The following EPG5 variants were observed in gnomAD, a reference collection of about 807,000 sequenced individuals.
The protein encoded by EPG5 is ectopic P-granules 5 autophagy tethering factor, also known as ectopic P granules protein 5 homolog.
A neutral mutation model predicts 302.7 loss-of-function variants in EPG5; 159 were observed. That is an observed-to-expected ratio of 0.53 (90% confidence interval 0.46 to 0.60). The LOEUF is 0.60. Ranked by LOEUF, EPG5 falls within the 20% of genes least tolerant of loss-of-function variation. The pLI, the probability that EPG5 is intolerant of heterozygous loss-of-function variation, is 0.00. For synonymous variants in EPG5, 1,158 were observed against 1,136.8 expected (o/e 1.02, Z -0.37); for missense variants, 2,896 against 3,092.4 (o/e 0.94, Z 1.51).
intron 11 of EPG5, among the ~76,000 whole-genome samples, chr18:45,933,822 T>C (rs1380044519): frequency 6.6e-6 from 1 of 152,190 alleles, no homozygotes; most frequent in Non-Finnish European, 1.5e-5. Context: ...CTTTACTTCC[T>C]GCTGTGAAGG....
At chr18:45,963,142 GGAGAA>G (rs1295375317) in intron 1 of EPG5, among the ~76,000 whole-genome samples, 2 of 152,168 alleles carry the variant, frequency 1.3e-5, no homozygotes, top group African/African-American at 4.8e-5. Flanking sequence ...AAAATCTAAG[GGAGAA>G]GAGAAATGTT....
At chr18:45,899,677 A>G in intron 26 of EPG5, 111 bp from the exon 27 acceptor site, 1 of 1,105,206 alleles carries the variant, frequency 9.0e-7, no homozygotes. Flanking sequence ...AAAGACACAT[A>G]AACCATAGTA....
chr18:45,811,116 G>A, the EPG5 span, among the ~76,000 whole-genome samples: 1 of 152,168 alleles, frequency 6.6e-6, no homozygotes, highest in Admixed American at 6.6e-5. Context: ...AGATAAGGAC[G>A]CCCACTCTCA....
chr18:45,942,722 C>T (rs2050698875), intron 9 of EPG5, among the ~76,000 whole-genome samples: 1 of 152,126 alleles, frequency 6.6e-6, no homozygotes, highest in East Asian at 1.9e-4. Context: ...AGTTGAATAA[C>T]AGCATACGTA....
intron 36 of EPG5, among the ~76,000 whole-genome samples, chr18:45,868,748 G>A (rs2048805674): frequency 6.7e-6 from 1 of 150,370 alleles, no homozygotes; most frequent in Non-Finnish European, 1.5e-5. Flanking sequence ...ATGACTGCAT[G>A]TTTAAATTCT....
chr18:45,838,042 C>CCT, the EPG5 span: 1 of 1,108,236 alleles, frequency 9.0e-7, no homozygotes. Context: ...GGATCTCACA[C>CCT]CTGGGGGTAG....
chr18:45,855,658 G>A lies in EPG5; in HGVS notation c.7472C>T (p.Ala2491Val), dbSNP rs1473764175. ...RFRVVARSMAAFLSVQVPMED... is the reference protein window; with the variant it reads ...RFRVVARSMAVFLSVQVPMED... ...CATAGGAACCTGAACTGAAAGGAAG[G>A]CAGCCATGCTTCGGGCAACCACTCG... The change falls in exon 43 of 44, where the codon GCC (alanine) becomes GTC (valine). Residue 2491 changes from alanine (A) to valine (V), a missense_variant. Coordinates refer to ENST00000282041, the MANE Select transcript of EPG5 (RefSeq NM_020964.3). 2 of 1,614,132 alleles carry A rather than the reference G, an allele frequency of 1.2e-6. No homozygotes were observed. Among genetic ancestry groups the A allele is most frequent in the South Asian group, 1.1e-5 (1 of 91,078 alleles).
Position 45,928,888 on chromosome 18 carries a change from G to T in EPG5, c.2534C>A (p.Thr845Asn). ...ISVLLDRVQE[T>N]IDQVGMVSLY... ...TCTTACCATTCCAACCTGGTCAATG[G>T]TCTCTTGAACTCTATCCAGAAGGAC... The change falls in exon 13 of 44, where the codon ACC (threonine) becomes AAC (asparagine). Residue 845 changes from threonine (T) to asparagine (N), a missense_variant. Transcript: ENST00000282041. 6.2e-7 allele frequency: 1 copy of T among 1,613,186 alleles called. No homozygotes were observed. The highest frequency in any genetic ancestry group is 1.1e-5 in the South Asian group (1 of 90,928).
intron 27 of EPG5, among the ~76,000 whole-genome samples, chr18:45,890,572 A>T (rs2049320604): frequency 9.0e-6 from 1 of 111,624 alleles, no homozygotes; most frequent in Non-Finnish European, 2.0e-5. Context: ...GAATTTATTG[A>T]GCTTCTTTAA....
chr18:45,823,652 A>G, the EPG5 span, among the ~76,000 whole-genome samples: 2 of 152,098 alleles, frequency 1.3e-5, no homozygotes, highest in African/African-American at 4.8e-5. Context: ...TATTCATCTA[A>G]TTGATTTATC....
intron 10 of EPG5, among the ~76,000 whole-genome samples, 182 bp downstream of exon 10, chr18:45,939,418 T>C (rs773424128): frequency 3.3e-5 from 5 of 151,940 alleles, no homozygotes; most frequent in Non-Finnish European, 7.4e-5. Context: ...GAGAGACCAT[T>C]TCAGTCAACA....
chr18:45,919,515 T>C (rs1474134297), intron 16 of EPG5, among the ~76,000 whole-genome samples: 3 of 110,650 alleles, frequency 2.7e-5, no homozygotes, highest in Admixed American at 8.5e-5. Flanking sequence ...ACATGTGTGG[T>C]TTTTTTTTTT....
chr18:45,942,200 G>A (rs752239173), intron 9 of EPG5, among the ~76,000 whole-genome samples: 9 of 152,038 alleles, frequency 5.9e-5, no homozygotes, highest in South Asian at 2.1e-4. Context: ...ACTCCAGCCC[G>A]GGTGACAGAG....
At chr18:45,917,580 A>C in intron 17 of EPG5, 99 bp downstream of exon 17, 2 of 1,448,396 alleles carry the variant, frequency 1.4e-6, no homozygotes, top group Non-Finnish European at 1.9e-6. Context: ...CTGTTGAAAT[A>C]GCATTCCCTT....
At chr18:45,825,120 A>C in the EPG5 span, among the ~76,000 whole-genome samples, 1 of 121,476 alleles carries the variant, frequency 8.2e-6, no homozygotes, top group Non-Finnish European at 1.6e-5. Context: ...AGCTTTGAGA[A>C]GGGAGGTAGG....
the EPG5 span, chr18:45,842,068 C>T: frequency 6.2e-7 from 1 of 1,601,880 alleles, no homozygotes; most frequent in East Asian, 2.2e-5. Flanking sequence ...GGACCTCCCA[C>T]CTGTTTGGAT....
In EPG5 at chr18:45,860,273, C is replaced by T. The variant is rs1417250816; in HGVS notation, c.6840G>A (p.Ala2280=). ...GAAGGAACTCTGCTGTTGGAATAGT[C>T]GCGTTGTTCATCATCATCAGGACTT... The part of the protein sequence containing the change: ...FMEVLMMMNN[A]TIPTAEFLRG... The change falls in exon 40 of 44, where the codon GCG becomes GCA. Residue 2280 remains alanine, a synonymous_variant. Transcript: ENST00000282041. 9 of 1,614,234 alleles carry T rather than the reference C, an allele frequency of 5.6e-6. No individual in the cohort carries two copies. Among genetic ancestry groups the T allele is most frequent in the East Asian group, 4.5e-5 (2 of 44,882 alleles).
intron 22 of EPG5, among the ~76,000 whole-genome samples, 178 bp downstream of exon 22, chr18:45,912,112 G>T (rs1251279927): frequency 6.6e-6 from 1 of 151,808 alleles, no homozygotes; most frequent in Admixed American, 6.6e-5. Flanking sequence ...CAAGACACCA[G>T]CAACTCAATA....
intron 31 of EPG5, among the ~76,000 whole-genome samples, chr18:45,882,026 C>T (rs1370433636): frequency 6.6e-6 from 1 of 152,186 alleles, no homozygotes; most frequent in Non-Finnish European, 1.5e-5. Context: ...TGACTGTGGA[C>T]TCCACCAAAC....
Sources: allele counts gnomAD v4.1 joint callset (sites outside exome capture counted in the v4.1 genomes callset), GRCh38; gene constraint gnomAD v4.1.1; transcripts MANE v1.5; gene names NCBI Gene and HGNC (gene_info 2026-07-23, HGNC 2026-07-21).